Variants in CAMK1D observed in about 807,000 individuals in gnomAD.
CAMK1D encodes calcium/calmodulin dependent protein kinase ID, also known as calcium/calmodulin-dependent protein kinase type 1D.
Under a neutral mutation model 47.7 loss-of-function variants are expected in CAMK1D, and 9 were observed. The ratio of observed to expected loss-of-function variants is 0.19; its 90% confidence interval spans 0.11 to 0.33. The LOEUF (loss-of-function observed/expected upper bound fraction) is 0.33, where lower values mean the gene tolerates loss of function less well. Ranked by LOEUF, CAMK1D falls within the 10% of genes least tolerant of loss-of-function variation. The pLI is 1.00. For synonymous variants in CAMK1D, 184 were observed against 184.9 expected (o/e 0.99, Z 0.04); for missense variants, 291 against 488.7 (o/e 0.60, Z 3.81).
At chr10:12,381,147 A>G (rs1326434795) in intron 1 of CAMK1D, among the ~76,000 whole-genome samples, 1 of 152,138 alleles carries the variant, frequency 6.6e-6, no homozygotes, top group East Asian at 1.9e-4. Flanking sequence ...AATAATAGCA[A>G]AAGGAGGTCA....
chr10:12,513,106 G>A (rs1475712865), intron 1 of CAMK1D, among the ~76,000 whole-genome samples: 2 of 152,196 alleles, frequency 1.3e-5, no homozygotes. Context: ...CCTGAATCAA[G>A]TGTTTCTGGC....
chr10:12,566,029 C>A (rs943965499), intron 2 of CAMK1D, among the ~76,000 whole-genome samples: 1 of 152,164 alleles, frequency 6.6e-6, no homozygotes, highest in African/African-American at 2.4e-5. Flanking sequence ...CATCAGACTC[C>A]TGCTTTAGAA....
intron 6 of CAMK1D, among the ~76,000 whole-genome samples, chr10:12,798,733 A>G (rs1838299735): frequency 6.6e-6 from 1 of 152,244 alleles, no homozygotes; most frequent in South Asian, 2.1e-4. Context: ...AGTGTTTAAA[A>G]TAGAGTTTGA....
intron 5 of CAMK1D, among the ~76,000 whole-genome samples, chr10:12,789,423 A>G: frequency 6.6e-6 from 1 of 152,214 alleles, no homozygotes; most frequent in East Asian, 1.9e-4. Flanking sequence ...CTGGTTTCAA[A>G]TCTCAGCTCT....
intron 1 of CAMK1D, among the ~76,000 whole-genome samples, chr10:12,546,638 T>G (rs1174234965): frequency 6.6e-6 from 1 of 151,962 alleles, no homozygotes; most frequent in African/African-American, 2.4e-5. Context: ...CCATAAAAAA[T>G]GATGAGTTCA....
At position 12,394,105 on chromosome 10, in the gene CAMK1D, G is replaced by A. The variant is rs117977725; in HGVS notation, c.92+44195G>A. Among the ~76,000 whole-genome samples the A allele has an allele frequency of 3.9e-5, 6 of 152,274 alleles. No individual in the cohort carries two copies. The East Asian group carries it at 9.7e-4, about 25-fold the overall frequency. ...GAGGGTTCACACCATCCCAACACAC[G>A]TTTGATCGTTTGCGATAATGGCTCA... On this transcript the variant is annotated intron_variant, in intron 1 of 10. Coordinates refer to ENST00000619168, the MANE Select transcript of CAMK1D (RefSeq NM_153498.4).
chr10:12,622,261 G>A (rs1010532871), intron 2 of CAMK1D, among the ~76,000 whole-genome samples: 4 of 152,182 alleles, frequency 2.6e-5, no homozygotes, highest in African/African-American at 9.6e-5. Flanking sequence ...TTTGGCTGGA[G>A]TTGAGCGGTT....
chr10:12,686,776 A>G (rs1832681353), intron 3 of CAMK1D, among the ~76,000 whole-genome samples: 1 of 152,168 alleles, frequency 6.6e-6, no homozygotes, highest in African/African-American at 2.4e-5. Flanking sequence ...AACATTTTTT[A>G]CTGTATACAC....
At chr10:12,424,954 G>T (rs2131975839) in intron 1 of CAMK1D, among the ~76,000 whole-genome samples, 1 of 152,306 alleles carries the variant, frequency 6.6e-6, no homozygotes, top group East Asian at 1.9e-4. Flanking sequence ...TTTTCCTGGT[G>T]TAAATGTGTC....
At position 12,522,927 on chromosome 10, in the gene CAMK1D, C is replaced by G. The variant is rs1483509567; in HGVS notation, c.93-30298C>G. On this transcript the variant is annotated intron_variant, in intron 1 of 10. Coordinates refer to ENST00000619168, the MANE Select transcript of CAMK1D (RefSeq NM_153498.4). ...GCTGGCCGGGCGGGGGCTGACCCCC[C>G]ACCTGCCTCCCAGACGGGGCGGCTG... Among the ~76,000 whole-genome samples the G allele has an allele frequency of 1.4e-4, 14 of 98,634 alleles. 4 individuals are homozygous for G. Among genetic ancestry groups the G allele is most frequent in the Non-Finnish European group, 2.0e-4 (9 of 45,362 alleles). The allele number at this position is 98,634 out of a possible 152,430, so 64.7% of individuals were successfully genotyped here.
At chr10:12,541,884 T>TTCCTTCCTTCCTTCC (rs1836201627) in intron 1 of CAMK1D, among the ~76,000 whole-genome samples, 1 of 147,454 alleles carries the variant, frequency 6.8e-6, no homozygotes, top group Non-Finnish European at 1.5e-5. Context: ...CCTTCCTTCC[T>TTCCTTCCTTCCTTCC]TCCTTTTTTT....
chr10:12,663,079 A>T (rs992479785), intron 2 of CAMK1D, among the ~76,000 whole-genome samples: 1 of 152,130 alleles, frequency 6.6e-6, no homozygotes, highest in African/African-American at 2.4e-5. Flanking sequence ...GTCCTGCCTC[A>T]GCCTCTGAGT....
intron 1 of CAMK1D, among the ~76,000 whole-genome samples, chr10:12,360,266 T>G (rs1837619116): frequency 6.6e-6 from 1 of 152,190 alleles, no homozygotes; most frequent in Non-Finnish European, 1.5e-5. Context: ...AAATAAAACC[T>G]CAGACAGTTT....
At chr10:12,387,615 T>A (rs1403096891) in intron 1 of CAMK1D, among the ~76,000 whole-genome samples, 1 of 148,254 alleles carries the variant, frequency 6.7e-6, no homozygotes, top group African/African-American at 2.5e-5. Context: ...CAAGTGACCC[T>A]CCCACTTCAG....
intron 1 of CAMK1D, among the ~76,000 whole-genome samples, chr10:12,452,374 A>G (rs1457794426): frequency 6.6e-6 from 1 of 151,916 alleles, no homozygotes; most frequent in Non-Finnish European, 1.5e-5. Flanking sequence ...AAGAAATCAT[A>G]AGGAAATTTC....
chr10:12,641,721 C>T (rs373284007), intron 2 of CAMK1D, among the ~76,000 whole-genome samples: 5 of 152,172 alleles, frequency 3.3e-5, no homozygotes, highest in African/African-American at 1.2e-4. Context: ...AAGTGTGTCA[C>T]TGAAGAGATG....
At chr10:12,535,140 A>G (rs1462058755) in intron 1 of CAMK1D, among the ~76,000 whole-genome samples, 1 of 152,106 alleles carries the variant, frequency 6.6e-6, no homozygotes, top group African/African-American at 2.4e-5. Context: ...AGCCCATCGT[A>G]TGCGCCTGCT....
intron 1 of CAMK1D, among the ~76,000 whole-genome samples, chr10:12,374,287 AG>A (rs370213481): frequency 6.6e-6 from 1 of 151,400 alleles, no homozygotes; most frequent in Non-Finnish European, 1.5e-5. Context: ...AAAAGAAAAA[AG>A]AAAAAAAGAG....
chr10:12,498,659 A>G (rs953612542), intron 1 of CAMK1D, among the ~76,000 whole-genome samples: 1 of 152,180 alleles, frequency 6.6e-6, no homozygotes, highest in African/African-American at 2.4e-5. Context: ...GATGAAACTG[A>G]AAAGAAACTC....
Sources: gnomAD v4.1 joint callset for allele counts (sites outside exome capture counted in the v4.1 genomes callset) on GRCh38, gnomAD v4.1.1 for gene constraint, MANE v1.5 for transcripts, NCBI Gene and HGNC (gene_info 2026-07-23, HGNC 2026-07-21) for gene names.